GOSR2: variants seen among roughly 807,000 people sequenced by gnomAD.
GOSR2 encodes 27 kDa Golgi SNARE protein.
In GOSR2, 20 loss-of-function variants were observed where a neutral mutation model predicts 27.9. The ratio of observed to expected loss-of-function variants is 0.72; its 90% CI spans 0.50 to 1.04. GOSR2 has a LOEUF of 1.04. GOSR2 is among the 50% of genes least tolerant of loss of function. The pLI, the probability that GOSR2 is intolerant of heterozygous loss-of-function variation, is 0.00. For missense variants in GOSR2, 261 were observed against 270.5 expected, an observed-to-expected ratio of 0.97 and a Z score of 0.25; for synonymous variants, 91 against 98.8, an observed-to-expected ratio of 0.92 and a Z score of 0.47.
At chr17:46,957,137 C>T (rs1170552475) in intron 6 of GOSR2, among the ~76,000 whole-genome samples, 3 of 152,018 alleles carry the variant, frequency 2.0e-5, no homozygotes, top group Non-Finnish European at 2.9e-5. Context: ...GGTGAAACCC[C>T]GTCTCTACAA....
intron 6 of GOSR2, among the ~76,000 whole-genome samples, chr17:46,953,847 G>T (rs2147252965): frequency 6.6e-6 from 1 of 152,318 alleles, no homozygotes; most frequent in East Asian, 1.9e-4. Context: ...CTTTTGAGAA[G>T]TGTATGTTCA....
At chr17:46,934,204 G>A (rs572181485) in intron 4 of GOSR2, among the ~76,000 whole-genome samples, 1 of 152,316 alleles carries the variant, frequency 6.6e-6, no homozygotes, top group East Asian at 1.9e-4. Context: ...CACACTTCCA[G>A]CTGTGTGATC....
chr17:46,940,483 C>A lies in GOSR2; in HGVS notation c.*1723C>A, dbSNP rs889988218. On this transcript the variant is annotated 3_prime_UTR_variant, in exon 6 of 6. Coordinates refer to ENST00000640051, the MANE Select transcript of GOSR2 (RefSeq NM_004287.5). Reference sequence around the variant, plus strand: ...ACAGCACTGCTGCGGTGCCAGGGACCTAGCGCAGGACTTTTGGTAATCCAT... The same window carrying A: ...ACAGCACTGCTGCGGTGCCAGGGACATAGCGCAGGACTTTTGGTAATCCAT... 1 of 1,612,820 alleles carries A rather than the reference C, an allele frequency of 6.2e-7. No individual in the cohort carries two copies. The highest frequency in any genetic ancestry group is 1.3e-5 in the African/African-American group (1 of 74,932).
At chr17:46,943,215 A>G (rs535649830), downstream of GOSR2, among the ~76,000 whole-genome samples, 1 of 152,212 alleles carries the variant, frequency 6.6e-6, no homozygotes, top group African/African-American at 2.4e-5. Flanking sequence ...AGGGGCAGGG[A>G]TGGAAGCCTG....
Position 46,939,656 on chromosome 17 carries a change from A to G in GOSR2, c.*896A>G. 14 of 985,708 alleles carry G rather than the reference A, an allele frequency of 1.4e-5. No individual in the cohort carries two copies. The highest frequency in any genetic ancestry group is 1.6e-5 in the Non-Finnish European group (13 of 830,182). The allele number at this position is 985,708 out of a possible 1,614,324, so 61.1% of individuals were successfully genotyped here. A position where few individuals can be genotyped will look rare whatever the true frequency, so the allele number is the denominator to read the frequency against. The stretch of plus-strand genomic sequence containing the variant: ...TTGGTTCCCTTCTCTTCCCTGAAAT[A>G]TATTAGCACCTGCCAGCCAGGCCCT... On this transcript the variant is annotated 3_prime_UTR_variant, in exon 6 of 6. Transcript: ENST00000640051.
At chr17:46,953,360 C>G (rs868764149) in intron 6 of GOSR2, among the ~76,000 whole-genome samples, 1 of 152,152 alleles carries the variant, frequency 6.6e-6, no homozygotes, top group African/African-American at 2.4e-5. Flanking sequence ...ATCCATGTCC[C>G]TACAAAGAAT....
chr17:46,938,628 C>G lies in GOSR2; in HGVS notation c.507C>G (p.Ala169=), dbSNP rs1286598940. 2.5e-6 allele frequency: 4 copies of G among 1,613,950 alleles called. No homozygotes were observed. The highest frequency in any genetic ancestry group is 1.6e-4 in the Middle Eastern group (1 of 6,084). ...CTCAGAAGAAGATCCTTGACATTGC[C>G]AACATGCTGGGCTTGTCCAACACAG... ...KGTQKKILDI[A]NMLGLSNTVM... Residue 169 remains alanine, a synonymous_variant, in exon 6 of 6, where the codon GCC becomes GCG. Transcript: ENST00000640051.
At chr17:46,951,169 C>T (rs1407515640) in intron 6 of GOSR2, among the ~76,000 whole-genome samples, 1 of 152,190 alleles carries the variant, frequency 6.6e-6, no homozygotes, top group East Asian at 1.9e-4. Flanking sequence ...ACACGCACTG[C>T]CAGACCACGC....
rs73308539 is a variant in GOSR2, at chr17:46,933,914, C to T, written c.337-1115C>T. Among the ~76,000 whole-genome samples, 906 of 149,766 alleles carry T rather than the reference C, an allele frequency of 6.0e-3. 4 individuals are homozygous for T. The highest frequency in any genetic ancestry group is 0.021 in the African/African-American group (860 of 40,780). ...CTGGTAGGTCAAGGCTGCTCTCTAT[C>T]CTGGGTGACAGAGTGAGAGCCTGTC... is the stretch of plus-strand genomic sequence containing the variant. On this transcript the variant is annotated intron_variant, in intron 4 of 5. Transcript: ENST00000640051.
chr17:46,935,888 T>C (rs898483809), intron 5 of GOSR2: 35 of 985,876 alleles, frequency 3.6e-5, no homozygotes, highest in Non-Finnish European at 4.1e-5. Flanking sequence ...GCGTGGGTTC[T>C]GTCTGTTATC....
downstream of GOSR2, among the ~76,000 whole-genome samples, chr17:46,970,207 C>T (rs1265612724): frequency 6.6e-6 from 1 of 152,202 alleles, no homozygotes; most frequent in Non-Finnish European, 1.5e-5. Context: ...AAAACAGGTA[C>T]AGCTTCCATC....
At chr17:46,925,197 C>T (rs986237318) in intron 1 of GOSR2, among the ~76,000 whole-genome samples, 2 of 152,190 alleles carry the variant, frequency 1.3e-5, no homozygotes, top group African/African-American at 4.8e-5. Context: ...AGTTACTACT[C>T]TGCTGTTATA....
In GOSR2 at chr17:46,931,146, C is replaced by T; in HGVS notation, c.142C>T (p.Leu48=). The T allele has an allele frequency of 1.2e-6, 2 of 1,611,726 alleles. No individual in the cohort carries two copies. The highest frequency in any genetic ancestry group is 1.7e-6 in the Non-Finnish European group (2 of 1,177,862). Residue 48 remains leucine, a synonymous_variant, in exon 3 of 6, where the codon CTA becomes TTA. Transcript: ENST00000640051. ...AAGCATAGACCAGATATTCAGCCGT[C>T]TAGAACGTCTGGAGATTTTGTCCAG... is the stretch of plus-strand genomic sequence containing the variant. The part of the protein sequence containing the change: ...QASIDQIFSR[L]ERLEILSSKE...
chr17:46,968,946 A>G (rs2147339454), downstream of GOSR2: 1 of 152,592 alleles, frequency 6.6e-6, no homozygotes, highest in East Asian at 1.9e-4. Context: ...TGAGGTTGAA[A>G]AATGATTGTT....
exon 7 of GOSR2, chr17:46,966,606 C>T (rs963341785): frequency 2.9e-6 from 2 of 687,704 alleles, no homozygotes; most frequent in East Asian, 2.8e-5. Context: ...GCATCAGCCT[C>T]CCGAAGTGCT....
chr17:46,966,590 C>A (rs996571296), exon 7 of GOSR2: 3 of 690,476 alleles, frequency 4.3e-6, no homozygotes, highest in Non-Finnish European at 7.9e-6. Context: ...CTCAAGAGAT[C>A]CTCCTGCATC....
downstream of GOSR2, among the ~76,000 whole-genome samples, chr17:46,943,761 C>T (rs141449364): frequency 6.6e-6 from 1 of 152,360 alleles, no homozygotes; most frequent in Non-Finnish European, 1.5e-5. Context: ...CTCACAGGGC[C>T]TCAACAACAG....
At chr17:46,934,718 C>T (rs2087985963) in intron 4 of GOSR2, among the ~76,000 whole-genome samples, 1 of 152,118 alleles carries the variant, frequency 6.6e-6, no homozygotes. Context: ...TAGGAGACAC[C>T]CAATGAGGTC....
intron 6 of GOSR2, among the ~76,000 whole-genome samples, chr17:46,949,819 C>G (rs946747630): frequency 2.6e-5 from 4 of 152,088 alleles, no homozygotes; most frequent in Non-Finnish European, 5.9e-5. Flanking sequence ...GGGGTGTGCT[C>G]TGGGAAGGGC....
Sources: allele counts gnomAD v4.1 joint callset (sites outside exome capture counted in the v4.1 genomes callset), GRCh38; gene constraint gnomAD v4.1.1; transcripts MANE v1.5; gene names NCBI Gene and HGNC (gene_info 2026-07-23, HGNC 2026-07-21).